Variants in RAB3GAP1 observed in about 807,000 individuals in gnomAD.
RAB3GAP1 encodes the protein RAB3 GTPase activating protein catalytic subunit 1, also known as rab3 GTPase-activating protein catalytic subunit.
RAB3GAP1 carries 86 observed loss-of-function variants against 130.7 expected under a neutral mutation model. That is an observed-to-expected ratio of 0.66 (90% CI 0.55 to 0.79). RAB3GAP1 has a LOEUF of 0.79. Among genes scored for constraint, RAB3GAP1 ranks in the 30% least tolerant of loss-of-function variants. The pLI, the probability that RAB3GAP1 is intolerant of heterozygous loss-of-function variation, is 0.00. For synonymous variants in RAB3GAP1, 367 were observed against 401.7 expected, an observed-to-expected ratio of 0.91 and a Z score of 1.03; for missense variants, 1,029 against 1,169.4, an observed-to-expected ratio of 0.88 and a Z score of 1.75.
At chr2:135,125,754 C>A (rs1205554439) in intron 9 of RAB3GAP1, among the ~76,000 whole-genome samples, 2 of 152,170 alleles carry the variant, frequency 1.3e-5, no homozygotes, top group Non-Finnish European at 2.9e-5. Flanking sequence ...CTCAGAACAA[C>A]ATGCAACTTT....
intron 2 of RAB3GAP1, among the ~76,000 whole-genome samples, chr2:135,056,358 G>A (rs1340489568): frequency 2.0e-5 from 3 of 151,656 alleles, no homozygotes; most frequent in Non-Finnish European, 4.4e-5. Context: ...GCCTGCCACC[G>A]CGCCTGGCTA....
rs757638651 is a variant in RAB3GAP1, at chr2:135,132,940, A to G, written c.1282A>G (p.Thr428Ala). ...TTCTGAGAAACCATTAGATGGAACTACTTCAACAGATAATAATAATCCTCC... is the reference window on the plus strand; with the variant it reads ...TTCTGAGAAACCATTAGATGGAACTGCTTCAACAGATAATAATAATCCTCC... ...AVSEKPLDGTTSTDNNNPPSE... is the reference protein window; with the variant it reads ...AVSEKPLDGTASTDNNNPPSE... Residue 428 changes from threonine to alanine, a missense_variant, in exon 14 of 24, where the codon ACT (threonine) becomes GCT (alanine). By Grantham distance (58) the Thr-to-Ala change is moderately conservative. Coordinates refer to ENST00000264158, the MANE Select transcript of RAB3GAP1 (RefSeq NM_012233.3). The G allele has an allele frequency of 2.5e-6, 4 of 1,584,074 alleles. No individual in the cohort carries two copies. Among genetic ancestry groups the G allele is most frequent in the South Asian group, 1.1e-5 (1 of 90,442 alleles).
At chr2:135,080,260 AAATT>A (rs756420729) in intron 3 of RAB3GAP1, among the ~76,000 whole-genome samples, 3 of 152,252 alleles carry the variant, frequency 2.0e-5, no homozygotes, top group African/African-American at 4.8e-5. Context: ...GAAGAGCAGG[AAATT>A]AATTCATACA....
chr2:135,171,506 G>C (rs1174404385), downstream of RAB3GAP1, among the ~76,000 whole-genome samples: 12 of 152,142 alleles, frequency 7.9e-5, no homozygotes, highest in Admixed American at 3.9e-4. Context: ...GCTCCTAAGA[G>C]GTGCACATGC....
intron 5 of RAB3GAP1, among the ~76,000 whole-genome samples, chr2:135,101,103 A>G (rs891536616): frequency 6.6e-6 from 1 of 152,222 alleles, no homozygotes; most frequent in Non-Finnish European, 1.5e-5. Flanking sequence ...TGGGAATGGG[A>G]AAAGATGAGA....
intron 17 of RAB3GAP1, among the ~76,000 whole-genome samples, chr2:135,139,965 A>G (rs917789747): frequency 2.6e-5 from 4 of 152,188 alleles, no homozygotes; most frequent in Non-Finnish European, 4.4e-5. Context: ...ACTCTTTTGT[A>G]TATAAATGTA....
chr2:135,143,657 A>G (rs1389007124), intron 17 of RAB3GAP1, among the ~76,000 whole-genome samples: 2 of 148,638 alleles, frequency 1.3e-5, no homozygotes, highest in Non-Finnish European at 3.0e-5. Context: ...TCCCAGGTTC[A>G]TGCCATTGTC....
downstream of RAB3GAP1, among the ~76,000 whole-genome samples, chr2:135,173,597 G>A (rs61362875): frequency 6.6e-6 from 1 of 152,274 alleles, no homozygotes; most frequent in African/African-American, 2.4e-5. Context: ...GCTGCCTCGA[G>A]GGCAGTCTGG....
intron 5 of RAB3GAP1, among the ~76,000 whole-genome samples, chr2:135,107,524 A>C (rs1039394477): frequency 6.6e-6 from 1 of 152,202 alleles, no homozygotes; most frequent in Admixed American, 6.5e-5. Context: ...ATATCTAAAA[A>C]AGTTACTAAA....
chr2:135,066,737 A>G (rs1411979303), intron 3 of RAB3GAP1, among the ~76,000 whole-genome samples: 1 of 152,214 alleles, frequency 6.6e-6, no homozygotes, highest in African/African-American at 2.4e-5. Context: ...CCTTGAAGGC[A>G]AGGGAAGTAA....
chr2:135,096,932 T>A (rs1403609335), intron 5 of RAB3GAP1, among the ~76,000 whole-genome samples: 1 of 152,164 alleles, frequency 6.6e-6, no homozygotes, highest in Non-Finnish European at 1.5e-5. Context: ...AAATATTAAA[T>A]GAAGTAATGA....
intron 17 of RAB3GAP1, among the ~76,000 whole-genome samples, chr2:135,144,944 TAA>T (rs1360384216): frequency 6.6e-6 from 1 of 152,234 alleles, no homozygotes; most frequent in Non-Finnish European, 1.5e-5. Context: ...GTTGATGAAA[TAA>T]AGTTATTATC....
At position 135,134,065 on chromosome 2, in the gene RAB3GAP1, C is replaced by T. The variant is rs369430065; in HGVS notation, c.1499+32C>T. 2.3e-4 allele frequency: 370 copies of T among 1,610,840 alleles called. 1 individual carries two copies. Among genetic ancestry groups the T allele is most frequent in the Non-Finnish European group, 2.0e-4 (238 of 1,177,788 alleles). On this transcript the variant is annotated intron_variant, in intron 15 of 23. Transcript: ENST00000264158. ...ATTTCAATTTTCAATTGTTTGGATACGATTTTGTTTGTTAGCAGACATTTG... is the reference window on the plus strand; with the variant it reads ...ATTTCAATTTTCAATTGTTTGGATATGATTTTGTTTGTTAGCAGACATTTG...
In RAB3GAP1 at chr2:135,074,790, G is replaced by A. The variant is rs552426404; in HGVS notation, c.151-16208G>A. ...ACGTAGATGTATTTAGAGGAAGTAC[G>A]TATTAGAAAAAGCACGAAGATACGA... On this transcript the variant is annotated intron_variant, in intron 3 of 23. Coordinates refer to ENST00000264158, the MANE Select transcript of RAB3GAP1 (RefSeq NM_012233.3). Among the ~76,000 whole-genome samples the A allele has an allele frequency of 5.3e-5, 8 of 152,342 alleles. No homozygotes were observed. The South Asian group carries it at 1.2e-3, about 24-fold the overall frequency.
At chr2:135,139,798 G>GGAATTAAATTTTTAATTTTAATTTATTT (rs1558795846) in intron 17 of RAB3GAP1, among the ~76,000 whole-genome samples, 4 of 152,032 alleles carry the variant, frequency 2.6e-5, no homozygotes, top group Non-Finnish European at 4.4e-5. Flanking sequence ...ATGTTTCTAA[G>GGAATTAAATTTTTAATTTTAATTTATTT]GAATTAAATT....
chr2:135,155,428 A>T (rs1188832107), intron 19 of RAB3GAP1, among the ~76,000 whole-genome samples: 2 of 152,200 alleles, frequency 1.3e-5, no homozygotes, highest in African/African-American at 2.4e-5. Context: ...GTTTCCTTTA[A>T]GGAGAAAAAT....
intron 3 of RAB3GAP1, among the ~76,000 whole-genome samples, chr2:135,075,417 T>C (rs1689603800): frequency 6.6e-6 from 1 of 152,166 alleles, no homozygotes; most frequent in South Asian, 2.1e-4. Context: ...AAAAGATGAG[T>C]AACTTTTTAT....
At chr2:135,173,859 G>C (rs939206850), downstream of RAB3GAP1, among the ~76,000 whole-genome samples, 36 of 152,154 alleles carry the variant, frequency 2.4e-4, no homozygotes, top group African/African-American at 7.7e-4. Flanking sequence ...TGGATGGATG[G>C]ATGGTTGGAT....
chr2:135,103,034 GA>G (rs951131047), intron 5 of RAB3GAP1, among the ~76,000 whole-genome samples: 1 of 100,462 alleles, frequency 1.0e-5, no homozygotes, highest in Non-Finnish European at 1.7e-5. Context: ...TCATTTTTGT[GA>G]TTTTTTTTTT....
Sources: allele counts gnomAD v4.1 joint callset (sites outside exome capture counted in the v4.1 genomes callset), GRCh38; gene constraint gnomAD v4.1.1; transcripts MANE v1.5; gene names NCBI Gene and HGNC (gene_info 2026-07-23, HGNC 2026-07-21).